Variants in ACSF2 observed in about 807,000 individuals in gnomAD.
ACSF2 encodes the protein acyl-CoA synthetase family member 2.
In ACSF2, 52 loss-of-function variants were observed where a neutral mutation model predicts 79.3. That is an observed-to-expected ratio of 0.66 (90% CI 0.53 to 0.83). ACSF2 has a LOEUF of 0.83. Ranked by LOEUF, ACSF2 falls within the 40% of genes least tolerant of loss-of-function variation. ACSF2 has a pLI of 0.00. For synonymous variants in ACSF2, 283 were observed against 312.6 expected (o/e 0.91, Z 1.00); for missense variants, 661 against 803.3 (o/e 0.82, Z 2.14).
chr17:50,450,833 GC>G (rs2031624727), intron 1 of ACSF2: 1 of 152,206 alleles, frequency 6.6e-6, no homozygotes, highest in African/African-American at 2.4e-5. Context: ...GGATGGATAT[GC>G]CACATTTTGT....
chr17:50,468,625 G>C, intron 10 of ACSF2: 1 of 1,614,260 alleles, frequency 6.2e-7, no homozygotes, highest in Non-Finnish European at 8.5e-7. Flanking sequence ...CCAGCACCGG[G>C]AAGTTGTTGC....
intron 1 of ACSF2, among the ~76,000 whole-genome samples, chr17:50,456,461 G>A (rs1275924297): frequency 3.9e-5 from 6 of 152,254 alleles, no homozygotes; most frequent in East Asian, 3.9e-4. Context: ...GGCCGGGCGC[G>A]GTGGCTCACA....
chr17:50,431,584 T>G (rs960100994), intron 1 of ACSF2, among the ~76,000 whole-genome samples: 1 of 152,170 alleles, frequency 6.6e-6, no homozygotes, highest in Non-Finnish European at 1.5e-5. Context: ...AATCTCAAAC[T>G]TCTGGGCTCA....
intron 1 of ACSF2, among the ~76,000 whole-genome samples, chr17:50,435,767 A>T (rs928229451): frequency 6.6e-6 from 1 of 151,936 alleles, no homozygotes; most frequent in African/African-American, 2.4e-5. Context: ...TATTAAGTCT[A>T]GTTTATAAAG....
At chr17:50,441,618 G>A (rs930163066) in intron 1 of ACSF2, among the ~76,000 whole-genome samples, 4 of 152,170 alleles carry the variant, frequency 2.6e-5, no homozygotes, top group Non-Finnish European at 1.5e-5. Flanking sequence ...TGCATTTCTT[G>A]GAGCCTCATT....
intron 4 of ACSF2, among the ~76,000 whole-genome samples, chr17:50,461,953 C>T (rs867920848): frequency 1.7e-4 from 17 of 97,950 alleles, no homozygotes; most frequent in East Asian, 6.6e-4. Flanking sequence ...TGTGTGTGTG[C>T]GTGTGTCCAT....
intron 1 of ACSF2, 79 bp downstream of exon 1, chr17:50,426,468 A>C: frequency 7.9e-7 from 1 of 1,265,974 alleles, no homozygotes; most frequent in Non-Finnish European, 1.0e-6. Context: ...GAGCTTCGGA[A>C]GCCCCACCTC....
intron 1 of ACSF2, among the ~76,000 whole-genome samples, chr17:50,430,265 A>G (rs765370156): frequency 2.0e-5 from 3 of 152,228 alleles, no homozygotes; most frequent in Non-Finnish European, 4.4e-5. Flanking sequence ...CCAAAGTAAT[A>G]TAAGTAGAGA....
intron 1 of ACSF2, among the ~76,000 whole-genome samples, chr17:50,426,751 T>C (rs115535156): frequency 2.4e-3 from 368 of 152,342 alleles, no homozygotes; most frequent in African/African-American, 8.4e-3. Context: ...GCCTCTGAGT[T>C]GGAACCCCTT....
At chr17:50,444,636 AACACACAC>A (rs72392656) in intron 1 of ACSF2, among the ~76,000 whole-genome samples, 19 of 147,966 alleles carry the variant, frequency 1.3e-4, no homozygotes, top group African/African-American at 2.0e-4. Context: ...TCTCTCTGCA[AACACACAC>A]ACACACACAC....
At chr17:50,469,945 C>T (rs2033028968) in intron 10 of ACSF2, 1 of 152,584 alleles carries the variant, frequency 6.6e-6, no homozygotes, top group African/African-American at 2.4e-5. Context: ...GCCACGATGT[C>T]CGGATTCCTG....
At chr17:50,433,183 T>C (rs1215983491) in intron 1 of ACSF2, among the ~76,000 whole-genome samples, 1 of 151,432 alleles carries the variant, frequency 6.6e-6, no homozygotes, top group Non-Finnish European at 1.5e-5. Context: ...CTGGGCTCAC[T>C]GTAACCTCCG....
chr17:50,453,990 C>G (rs1274416835), intron 1 of ACSF2, among the ~76,000 whole-genome samples: 1 of 151,780 alleles, frequency 6.6e-6, no homozygotes, highest in Non-Finnish European at 1.5e-5. Context: ...ATGGCAAAAC[C>G]CCATCTCTAC....
chr17:50,463,267 G>A lies in ACSF2; in HGVS notation c.888+16G>A, dbSNP rs372918627. ...GCATGAGAAGGTGAGGCGGCACTAG[G>A]CCCAGGGCAAGGCTGCAGGAGGGGT... On this transcript the variant is annotated intron_variant, in intron 7 of 15. Transcript: ENST00000300441. This position sits in a 1 kb window ranked among gnomAD's most constrained non-coding sequence, Gnocchi z 4.6. The A allele has an allele frequency of 2.4e-5, 38 of 1,613,806 alleles. No homozygotes were observed. In the African/African-American group the frequency reaches 4.1e-4, roughly 18 times the overall value.
intron 1 of ACSF2, among the ~76,000 whole-genome samples, chr17:50,430,019 T>C (rs1393651902): frequency 6.6e-6 from 1 of 152,194 alleles, no homozygotes; most frequent in Non-Finnish European, 1.5e-5. Flanking sequence ...GCCCTAAAGC[T>C]GGCCTGGGGC....
At chr17:50,432,095 T>C (rs2029978820) in intron 1 of ACSF2, among the ~76,000 whole-genome samples, 1 of 152,026 alleles carries the variant, frequency 6.6e-6, no homozygotes, top group Admixed American at 6.6e-5. Context: ...GAGATGGTGT[T>C]TTGCCATGTT....
At chr17:50,461,994 TGTG>T (rs1367014389) in intron 4 of ACSF2, among the ~76,000 whole-genome samples, 187 bp from the exon 5 acceptor site, 15 of 148,712 alleles carry the variant, frequency 1.0e-4, no homozygotes, top group African/African-American at 3.8e-4. Flanking sequence ...TGTCTCAGGG[TGTG>T]GTGTGTGTGT....
Position 50,474,055 on chromosome 17 carries a change from C to T in ACSF2, c.1728+51C>T, listed in dbSNP as rs1462019900. On this transcript the variant is annotated intron_variant, in intron 14 of 15. Coordinates refer to ENST00000300441, the MANE Select transcript of ACSF2 (RefSeq NM_025149.6). This position sits in a 1 kb window ranked among gnomAD's most constrained non-coding sequence, Gnocchi z 4.2. ...GATGCTGCTCTGTTCTTTGCTCACC[C>T]ACTCCTCTGCCAACCAGCCCAGGGT... is the stretch of plus-strand genomic sequence containing the variant. The T allele has an allele frequency of 2.6e-6, 4 of 1,554,050 alleles. No homozygotes were observed. The highest frequency in any genetic ancestry group is 3.5e-6 in the Non-Finnish European group (4 of 1,146,740).
chr17:50,472,601 GA>G, intron 12 of ACSF2, 22 bp downstream of exon 12: 1 of 1,572,502 alleles, frequency 6.4e-7, no homozygotes, highest in African/African-American at 1.4e-5. Flanking sequence ...GGGCGGGGTG[GA>G]GGCTCTGGCC....
Sources: allele counts gnomAD v4.1 joint callset (sites outside exome capture counted in the v4.1 genomes callset), GRCh38; gene constraint gnomAD v4.1.1; non-coding constraint Gnocchi (gnomAD v3.1); transcripts MANE v1.5; gene names NCBI Gene and HGNC (gene_info 2026-07-23, HGNC 2026-07-21).